GRIK2: variants seen among roughly 807,000 people sequenced by gnomAD.
GRIK2 encodes glutamate receptor ionotropic, kainate 2.
A neutral mutation model predicts 100.3 loss-of-function variants in GRIK2; 32 were observed. That is an observed-to-expected ratio of 0.32 (90% CI 0.24 to 0.43). GRIK2 has a LOEUF of 0.43. GRIK2 is among the 20% of genes least tolerant of loss of function. The probability of loss-of-function intolerance (pLI) is 1.00; values close to 1 mark genes in which losing one functional copy is unlikely to be tolerated. For synonymous variants in GRIK2, 417 were observed against 389.4 expected, an observed-to-expected ratio of 1.07 and a Z score of -0.83; for missense variants, 843 against 1,114.9, an observed-to-expected ratio of 0.76 and a Z score of 3.47.
rs542684078 is a variant in GRIK2 at position 101,846,680 on chromosome 6, A to C, written c.1318-12607A>C. Reference sequence around the variant, plus strand: ...TTGGAGGTTCTGGATGACTGGTTCAATCTCTTTATTTTCTCTAGATATATT... The same window carrying C: ...TTGGAGGTTCTGGATGACTGGTTCACTCTCTTTATTTTCTCTAGATATATT... On this transcript the variant is annotated intron_variant, in intron 10 of 16. Transcript: ENST00000369134. Among the ~76,000 whole-genome samples the C allele has an allele frequency of 3.3e-5, 5 of 151,962 alleles. No homozygotes were observed. The South Asian group carries it at 1.0e-3, about 32-fold the overall frequency.
chr6:101,607,390 T>C (rs1779484845), intron 2 of GRIK2, among the ~76,000 whole-genome samples: 1 of 151,970 alleles, frequency 6.6e-6, no homozygotes, highest in Non-Finnish European at 1.5e-5. Context: ...ATAACTGAAA[T>C]GGTGAATGAG....
At chr6:101,636,751 T>G (rs1781039676) in intron 4 of GRIK2, among the ~76,000 whole-genome samples, 1 of 151,086 alleles carries the variant, frequency 6.6e-6, no homozygotes, top group African/African-American at 2.4e-5. Flanking sequence ...ATATTTGCAT[T>G]TTGGGGGGGC....
intron 7 of GRIK2, among the ~76,000 whole-genome samples, chr6:101,786,576 G>A (rs952522288): frequency 6.6e-6 from 1 of 151,942 alleles, no homozygotes; most frequent in African/African-American, 2.4e-5. Flanking sequence ...TATTCTATTG[G>A]TGTGATGTAT....
At chr6:101,712,793 CT>C (rs1213016860) in intron 7 of GRIK2, among the ~76,000 whole-genome samples, 2 of 151,736 alleles carry the variant, frequency 1.3e-5, no homozygotes, top group Non-Finnish European at 2.9e-5. Context: ...CTGTTTAGAT[CT>C]TATTTACAGT....
chr6:101,794,365 A>G (rs373782429), intron 7 of GRIK2, among the ~76,000 whole-genome samples: 1 of 151,966 alleles, frequency 6.6e-6, no homozygotes, highest in Non-Finnish European at 1.5e-5. Context: ...TCTCCCCGAG[A>G]TGAATTTCTT....
intron 2 of GRIK2, among the ~76,000 whole-genome samples, chr6:101,466,036 A>G (rs760961773): frequency 6.6e-6 from 1 of 152,188 alleles, no homozygotes; most frequent in Non-Finnish European, 1.5e-5. Context: ...CTTGGCCTCC[A>G]GTCAATGTTG....
chr6:101,724,949 C>A (rs1168739526), intron 7 of GRIK2, among the ~76,000 whole-genome samples: 2 of 151,956 alleles, frequency 1.3e-5, no homozygotes, highest in Admixed American at 6.6e-5. Context: ...CCTGAACCTG[C>A]CTTTTCTGTC....
chr6:101,803,462 T>C (rs957937904), intron 9 of GRIK2, among the ~76,000 whole-genome samples: 10 of 151,850 alleles, frequency 6.6e-5, no homozygotes, highest in African/African-American at 1.9e-4. Context: ...TTTCAAACTG[T>C]ACACTTTGTG....
chr6:101,764,788 G>A (rs1777941279), intron 7 of GRIK2, among the ~76,000 whole-genome samples: 1 of 152,112 alleles, frequency 6.6e-6, no homozygotes, highest in East Asian at 1.9e-4. Flanking sequence ...CACTCAGGAA[G>A]TGCTCTTTCC....
At position 101,501,860 on chromosome 6, in the gene GRIK2, C is replaced by A. The variant is rs559483406; in HGVS notation, c.115+102468C>A. ...GCAACCTCCGTCTCCTGGGTTCAAGCGATCCTCCCACCTCAGCCTCCTGAG... is the reference window on the plus strand; with the variant it reads ...GCAACCTCCGTCTCCTGGGTTCAAGAGATCCTCCCACCTCAGCCTCCTGAG... On this transcript the variant is annotated intron_variant, in intron 2 of 16. Transcript: ENST00000369134. Among the ~76,000 whole-genome samples the A allele has an allele frequency of 3.9e-4, 59 of 152,218 alleles. 1 individual carries two copies. The South Asian group carries it at 0.012, about 30-fold the overall frequency.
At chr6:101,416,152 G>A (rs1233174930) in intron 2 of GRIK2, among the ~76,000 whole-genome samples, 1 of 152,234 alleles carries the variant, frequency 6.6e-6, no homozygotes, top group Non-Finnish European at 1.5e-5. Context: ...TTTTAGGCCA[G>A]TGAGGTGGCC....
chr6:101,903,910 T>C (rs1434632253), intron 12 of GRIK2, among the ~76,000 whole-genome samples: 1 of 151,496 alleles, frequency 6.6e-6, no homozygotes. Context: ...TAGGGGAAAA[T>C]ATCTCTATGA....
rs146962531 is a variant in GRIK2, at chr6:101,565,931, A to ATG, written c.116-56014_116-56013dup. ...ATACCTATTTTATATATATATATAT[A>ATG]TGTGTATATATATATATATATATAT... On this transcript the variant is annotated intron_variant, in intron 2 of 16. Coordinates refer to ENST00000369134, the MANE Select transcript of GRIK2 (RefSeq NM_021956.5). Among the ~76,000 whole-genome samples the ATG allele has an allele frequency of 1.5e-3, 99 of 65,508 alleles. 2 individuals are homozygous for ATG. The highest frequency in any genetic ancestry group is 7.9e-3 in the Middle Eastern group (1 of 126). The allele number at this position is 65,508 out of a possible 152,430, so 43.0% of individuals were successfully genotyped here. A position where few individuals can be genotyped will look rare whatever the true frequency, so the allele number is the denominator to read the frequency against.
At chr6:101,777,515 G>A (rs1778822220) in intron 7 of GRIK2, among the ~76,000 whole-genome samples, 1 of 152,046 alleles carries the variant, frequency 6.6e-6, no homozygotes, top group South Asian at 2.1e-4. Context: ...GATTTTTAAA[G>A]TAATTTTTCA....
chr6:101,558,516 G>C lies in GRIK2; in HGVS notation c.116-63433G>C, dbSNP rs143054970. Among the ~76,000 whole-genome samples, 111 of 152,176 alleles carry C rather than the reference G, an allele frequency of 7.3e-4. 1 individual carries two copies. Among genetic ancestry groups the C allele is most frequent in the Middle Eastern group, 6.8e-3 (2 of 294 alleles). On this transcript the variant is annotated intron_variant, in intron 2 of 16. Transcript: ENST00000369134. ...GTACTATACAAGGGAACACAGAATTGGGAACAAGTACAGCGTGTTTTGGAA... is the reference window on the plus strand; with the variant it reads ...GTACTATACAAGGGAACACAGAATTCGGAACAAGTACAGCGTGTTTTGGAA...
chr6:101,611,687 T>C (rs1434676705), intron 2 of GRIK2, among the ~76,000 whole-genome samples: 1 of 151,696 alleles, frequency 6.6e-6, no homozygotes, highest in Non-Finnish European at 1.5e-5. Flanking sequence ...GGGTGGGAGA[T>C]ATTTTTCAGC....
chr6:101,706,681 C>T (rs1773320867), intron 7 of GRIK2, among the ~76,000 whole-genome samples: 1 of 151,878 alleles, frequency 6.6e-6, no homozygotes, highest in Non-Finnish European at 1.5e-5. Context: ...GAAAAAGTCT[C>T]AGACAACTAT....
chr6:101,722,267 T>G (rs1034438388), intron 7 of GRIK2, among the ~76,000 whole-genome samples: 1 of 152,020 alleles, frequency 6.6e-6, no homozygotes, highest in Admixed American at 6.6e-5. Context: ...AGAACTGATA[T>G]CTACTAAATC....
At chr6:101,491,010 C>T (rs868038358) in intron 2 of GRIK2, among the ~76,000 whole-genome samples, 5 of 145,710 alleles carry the variant, frequency 3.4e-5, no homozygotes, top group East Asian at 2.0e-4. Flanking sequence ...GGATTAGAAA[C>T]GGTGAGAAAG....
Sources: allele counts gnomAD v4.1 joint callset (sites outside exome capture counted in the v4.1 genomes callset), GRCh38; gene constraint gnomAD v4.1.1; transcripts MANE v1.5; gene names NCBI Gene and HGNC (gene_info 2026-07-23, HGNC 2026-07-21).